TOX: variants seen among roughly 807,000 people sequenced by gnomAD.
The protein encoded by TOX is thymocyte selection-associated high mobility group box protein TOX.
Under a neutral mutation model 53.7 loss-of-function variants are expected in TOX, and 11 were observed. That is an observed-to-expected ratio of 0.20 (90% confidence interval 0.13 to 0.34). The LOEUF (loss-of-function observed/expected upper bound fraction) is 0.34, where lower values mean the gene tolerates loss of function less well. TOX is among the 10% of genes least tolerant of loss of function. The pLI is 1.00. For synonymous variants in TOX, 225 were observed against 245.3 expected, an observed-to-expected ratio of 0.92 and a Z score of 0.77; for missense variants, 570 against 664.6, an observed-to-expected ratio of 0.86 and a Z score of 1.56.
At chr8:58,912,843 G>A (rs943189620) in intron 3 of TOX, among the ~76,000 whole-genome samples, 3 of 152,072 alleles carry the variant, frequency 2.0e-5, no homozygotes, top group Admixed American at 2.0e-4. Flanking sequence ...CTAACCTTCT[G>A]GCCTTCCCAA....
intron 1 of TOX, among the ~76,000 whole-genome samples, chr8:59,063,249 A>G (rs931108451): frequency 2.6e-5 from 4 of 152,186 alleles, no homozygotes; most frequent in Admixed American, 6.5e-5. Context: ...GGAGATTTGC[A>G]TGTTAACTGA....
chr8:59,070,701 G>C (rs1275420741), intron 1 of TOX, among the ~76,000 whole-genome samples: 1 of 152,168 alleles, frequency 6.6e-6, no homozygotes, highest in African/African-American at 2.4e-5. Flanking sequence ...TGGGTACAGA[G>C]AGATTTTTAG....
chr8:59,012,921 T>TAAA (rs373043305), intron 1 of TOX, among the ~76,000 whole-genome samples: 1 of 123,350 alleles, frequency 8.1e-6, no homozygotes, highest in Non-Finnish European at 1.7e-5. Context: ...TCCCATAGGT[T>TAAA]AAAAAAAAAA....
At chr8:59,027,143 T>C (rs952282569) in intron 1 of TOX, among the ~76,000 whole-genome samples, 3 of 152,224 alleles carry the variant, frequency 2.0e-5, no homozygotes, top group Non-Finnish European at 2.9e-5. Context: ...GAAATGTTTC[T>C]GGTTTCTGGT....
chr8:59,042,692 A>G (rs1414514087), intron 1 of TOX, among the ~76,000 whole-genome samples: 1 of 152,240 alleles, frequency 6.6e-6, no homozygotes, highest in East Asian at 1.9e-4. Flanking sequence ...CTGAAGCCAT[A>G]AATGAAGTGT....
intron 1 of TOX, among the ~76,000 whole-genome samples, chr8:59,060,949 G>A (rs953416539): frequency 2.0e-5 from 3 of 152,086 alleles, no homozygotes; most frequent in Non-Finnish European, 4.4e-5. Context: ...ACTATTGGGG[G>A]AAAACCTATT....
rs1361558260 is a variant in TOX, at chr8:59,118,674, G to A, written c.102+212C>T. 2.0e-5 allele frequency among the ~76,000 whole-genome samples: 3 copies of A among 152,170 alleles called. No individual in the cohort carries two copies. The highest frequency in any genetic ancestry group is 2.0e-4 in the Admixed American group (3 of 15,282). ...GAAGGAAAGAATCCGAGCAAATCGTGTCACTTTCCGCACAATCGCGGTGTT... is the reference window on the plus strand; with the variant it reads ...GAAGGAAAGAATCCGAGCAAATCGTATCACTTTCCGCACAATCGCGGTGTT... On this transcript the variant is annotated intron_variant, in intron 1 of 8. Coordinates refer to ENST00000361421, the MANE Select transcript of TOX (RefSeq NM_014729.3). This position sits in a 1 kb window ranked among gnomAD's most constrained non-coding sequence, Gnocchi z 4.1.
At chr8:58,966,253 C>A (rs1048746849) in intron 1 of TOX, among the ~76,000 whole-genome samples, 31 of 152,258 alleles carry the variant, frequency 2.0e-4, no homozygotes, top group Non-Finnish European at 4.0e-4. Context: ...GAAACTGGTT[C>A]TGAGCACAGC....
intron 3 of TOX, among the ~76,000 whole-genome samples, chr8:58,938,802 T>G (rs1040580871): frequency 6.6e-6 from 1 of 152,246 alleles, no homozygotes. Flanking sequence ...GAGATAAATT[T>G]TGATCACCAG....
rs1397372256 is a variant in TOX, at chr8:58,808,131, AGTC to A, written c.1528_1530del (p.Asp510del). The A allele has an allele frequency of 8.1e-6, 13 of 1,613,136 alleles. No individual in the cohort carries two copies. Among genetic ancestry groups the A allele is most frequent in the East Asian group, 2.2e-5 (1 of 44,888 alleles). On this transcript the variant is annotated inframe_deletion, in exon 8 of 9. Coordinates refer to ENST00000361421, the MANE Select transcript of TOX (RefSeq NM_014729.3). ...CCGGCCGCTTACCCACTACTGCAGTAGTCGTTATTCCAGTCCACCGGTTGTGGG... is the reference window on the plus strand; with the variant it reads ...CCGGCCGCTTACCCACTACTGCAGTAGTTATTCCAGTCCACCGGTTGTGGG...
At chr8:58,834,942 C>T (rs1388902867) in intron 5 of TOX, among the ~76,000 whole-genome samples, 2 of 152,122 alleles carry the variant, frequency 1.3e-5, no homozygotes, top group East Asian at 1.9e-4. Context: ...GGGGACAAAT[C>T]ATTTTAGAGT....
At chr8:59,100,083 T>A (rs181394647) in intron 1 of TOX, among the ~76,000 whole-genome samples, 1 of 151,960 alleles carries the variant, frequency 6.6e-6, no homozygotes, top group Non-Finnish European at 1.5e-5. Context: ...AGCTTCTGAG[T>A]GAATTATTTG....
At chr8:58,823,750 G>A (rs984408668) in intron 6 of TOX, among the ~76,000 whole-genome samples, 1 of 152,160 alleles carries the variant, frequency 6.6e-6, no homozygotes, top group Non-Finnish European at 1.5e-5. Flanking sequence ...CCCAGTGTCC[G>A]ACATAGAACA....
intron 4 of TOX, among the ~76,000 whole-genome samples, chr8:58,841,680 T>C (rs966120228): frequency 6.6e-6 from 1 of 151,990 alleles, no homozygotes; most frequent in Non-Finnish European, 1.5e-5. Context: ...AAAAAGTGAC[T>C]AGGTGAGGTG....
At chr8:58,930,833 G>A (rs892226713) in intron 3 of TOX, among the ~76,000 whole-genome samples, 3 of 152,068 alleles carry the variant, frequency 2.0e-5, no homozygotes, top group African/African-American at 7.3e-5. Context: ...AACACATTAC[G>A]AAACATTCTA....
chr8:58,988,539 T>C (rs1813379397), intron 1 of TOX, among the ~76,000 whole-genome samples: 1 of 152,218 alleles, frequency 6.6e-6, no homozygotes, highest in African/African-American at 2.4e-5. Flanking sequence ...TAAAAAGTGT[T>C]ATTAACAAGT....
At chr8:59,101,427 A>G (rs1726508265) in intron 1 of TOX, among the ~76,000 whole-genome samples, 2 of 152,336 alleles carry the variant, frequency 1.3e-5, no homozygotes, top group African/African-American at 4.8e-5. Context: ...AAACCCCTAT[A>G]AAATTGGGAT....
chr8:58,891,942 G>A (rs1392030548), intron 3 of TOX, among the ~76,000 whole-genome samples: 1 of 152,058 alleles, frequency 6.6e-6, no homozygotes, highest in Non-Finnish European at 1.5e-5. Flanking sequence ...TCAGCTACTC[G>A]CATCACCCGG....
chr8:59,009,625 G>A (rs1280766920), intron 1 of TOX, among the ~76,000 whole-genome samples: 2 of 152,046 alleles, frequency 1.3e-5, no homozygotes, highest in Non-Finnish European at 2.9e-5. Context: ...AGCTCACCAC[G>A]ACTCCCAAAA....
Sources: allele counts gnomAD v4.1 joint callset (sites outside exome capture counted in the v4.1 genomes callset), GRCh38; gene constraint gnomAD v4.1.1; non-coding constraint Gnocchi (gnomAD v3.1); transcripts MANE v1.5; gene names NCBI Gene and HGNC (gene_info 2026-07-23, HGNC 2026-07-21).